NAIP: variants seen among roughly 807,000 people sequenced by gnomAD.
The protein encoded by NAIP is baculoviral IAP repeat-containing protein 1.
In NAIP, 15 loss-of-function variants were observed where a neutral mutation model predicts 23.0. The observed-to-expected ratio is 0.65, with a 90% CI of 0.44 to 1.00. NAIP has a LOEUF of 1.00. NAIP is among the 50% of genes least tolerant of loss of function. The pLI, the probability that NAIP is intolerant of heterozygous loss-of-function variation, is 0.00. For missense variants in NAIP, 265 were observed against 278.8 expected (o/e 0.95, Z 0.35); for synonymous variants, 100 against 100.2 (o/e 1.00, Z 0.01).
chr5:71,011,400 T>A (rs1258543766), intron 4 of NAIP, 26 bp from the exon 5 acceptor site: 1 of 1,549,678 alleles, frequency 6.5e-7, no homozygotes, highest in Non-Finnish European at 8.9e-7. Context: ...AATATTTAGA[T>A]TGCCTGGCAG....
At chr5:70,978,150 T>TA (rs1491407929) in intron 13 of NAIP, among the ~76,000 whole-genome samples, 20 of 26,978 alleles carry the variant, frequency 7.4e-4, no homozygotes, top group Admixed American at 2.1e-3. Context: ...TATATATATA[T>TA]TTTTTTTTTT....
intron 6 of NAIP, among the ~76,000 whole-genome samples, chr5:71,002,382 C>G (rs1289634997): frequency 2.0e-5 from 1 of 50,314 alleles, no homozygotes; most frequent in Non-Finnish European, 3.6e-5. Context: ...TTAGTAGAGA[C>G]AGACACGATG....
intron 3 of NAIP, among the ~76,000 whole-genome samples, chr5:71,014,295 G>T (rs1751327028): frequency 6.6e-6 from 1 of 151,124 alleles, no homozygotes; most frequent in African/African-American, 2.4e-5. Flanking sequence ...ACAAGGTTTT[G>T]CCATGTTGGC....
intron 3 of NAIP, among the ~76,000 whole-genome samples, chr5:71,015,993 GAAC>G (rs1303196558): frequency 2.2e-5 from 3 of 137,298 alleles, no homozygotes; most frequent in Non-Finnish European, 4.8e-5. Flanking sequence ...CATTTAAAAT[GAAC>G]AACTGAGGGT....
chr5:71,014,859 C>T (rs145593182), intron 3 of NAIP, among the ~76,000 whole-genome samples: 2,898 of 151,342 alleles, frequency 0.019, 70 homozygotes, highest in African/African-American at 0.067. Flanking sequence ...GCCAAGATCT[C>T]GCCATTGCAC....
chr5:71,015,881 T>A (rs1038253042), intron 3 of NAIP, among the ~76,000 whole-genome samples: 1 of 128,870 alleles, frequency 7.8e-6, no homozygotes, highest in African/African-American at 2.8e-5. Flanking sequence ...GAGGTTGCAG[T>A]GAGCCGAGAT....
At chr5:71,014,674 G>A (rs897431686) in intron 3 of NAIP, among the ~76,000 whole-genome samples, 11 of 151,382 alleles carry the variant, frequency 7.3e-5, no homozygotes, top group East Asian at 3.9e-4. Context: ...AGGCTGAGGC[G>A]GGCAGATCAC....
chr5:70,972,992 C>G (rs1305519890), intron 16 of NAIP, among the ~76,000 whole-genome samples: 1 of 135,254 alleles, frequency 7.4e-6, no homozygotes, highest in Non-Finnish European at 1.6e-5. Context: ...GCTCCACCTC[C>G]CGGGTTCACA....
In NAIP at chr5:71,012,564, T is replaced by G; in HGVS notation, c.352A>C (p.Lys118Gln). ...GLTRLPIEDH[K>Q]RFHPDCGFLL... Reference sequence around the variant, plus strand: ...AACCCACAATCTGGATGAAACCTCTTGTGGTCTTCTATGGGGAGTCTCGTG... The same window carrying G: ...AACCCACAATCTGGATGAAACCTCTGGTGGTCTTCTATGGGGAGTCTCGTG... Residue 118 changes from lysine (K) to glutamine (Q), a missense_variant, in exon 4 of 17, where the codon AAG (lysine) becomes CAG (glutamine). By Grantham distance (53) the Lys-to-Gln change is moderately conservative. Transcript: ENST00000517649. The G allele has an allele frequency of 6.2e-7, 1 of 1,611,838 alleles. No individual in the cohort carries two copies. Among genetic ancestry groups the G allele is most frequent in the Non-Finnish European group, 8.5e-7 (1 of 1,178,468 alleles).
chr5:71,008,318 C>T (rs1324039781), intron 5 of NAIP, among the ~76,000 whole-genome samples: 1 of 116,976 alleles, frequency 8.5e-6, no homozygotes, highest in East Asian at 2.7e-4. Context: ...GATCCGCCTA[C>T]CTTAGCCTCC....
At chr5:71,010,461 G>A (rs1751097431) in intron 5 of NAIP, among the ~76,000 whole-genome samples, 1 of 151,522 alleles carries the variant, frequency 6.6e-6, no homozygotes, top group East Asian at 1.9e-4. Flanking sequence ...GTAGAGACAT[G>A]GTTTCACCGT....
intron 3 of NAIP, among the ~76,000 whole-genome samples, chr5:71,014,171 C>G (rs28478097): frequency 0.55 from 82,122 of 148,812 alleles, 23,577 homozygotes; most frequent in East Asian, 0.82. Flanking sequence ...GGCCTCGGCT[C>G]ACTGCAACCT....
intron 3 of NAIP, among the ~76,000 whole-genome samples, chr5:71,014,083 T>C (rs1196722775): frequency 1.3e-5 from 2 of 151,012 alleles, no homozygotes; most frequent in Non-Finnish European, 3.0e-5. Flanking sequence ...TTCTAGTGGC[T>C]CTAGCCCAAG....
chr5:70,996,890 A>G (rs1580920392), intron 9 of NAIP, among the ~76,000 whole-genome samples: 4 of 84,538 alleles, frequency 4.7e-5, no homozygotes, highest in Middle Eastern at 6.3e-3. Context: ...ATTGTTGGTC[A>G]AACTGTATGC....
intron 3 of NAIP, among the ~76,000 whole-genome samples, chr5:71,014,174 T>G (rs976837655): frequency 6.7e-6 from 1 of 150,130 alleles, no homozygotes; most frequent in Non-Finnish European, 1.5e-5. Flanking sequence ...CTCGGCTCAC[T>G]GCAACCTCCG....
In NAIP at chr5:71,012,841, A is replaced by G. The variant is rs757100914; in HGVS notation, c.75T>C (p.Ala25=). The G allele has an allele frequency of 4.3e-6, 7 of 1,611,394 alleles. No homozygotes were observed. In the Admixed American group the frequency reaches 8.4e-5, roughly 19 times the overall value. Residue 25 remains alanine, a synonymous_variant, in exon 4 of 17, where the codon GCT becomes GCC. Transcript: ENST00000517649. The part of the protein sequence containing the change: ...FDHNLLPELS[A]LLGLDAVQLA... ...ACTGAACTGCATCTAGGCCCAGAAG[A>G]GCAGACAGCTCTGGCAGCAAATTGT... is the stretch of plus-strand genomic sequence containing the variant.
chr5:71,012,400 A>G lies in NAIP; in HGVS notation c.516T>C (p.Tyr172=), dbSNP rs768477980. Residue 172 remains tyrosine, a synonymous_variant, in exon 4 of 17, where the codon TAT becomes TAC. Transcript: ENST00000517649. ...GCACACAAGGGGATATCCCTTGGAC[A>G]TAAAATGGCCAGTTCCTGAAGGACG... is the stretch of plus-strand genomic sequence containing the variant. ...RLASFRNWPF[Y]VQGISPCVLS... is the part of the protein sequence containing the mutation. 14 of 1,611,694 alleles carry G rather than the reference A, an allele frequency of 8.7e-6. No homozygotes were observed. Among genetic ancestry groups the G allele is most frequent in the South Asian group, 3.3e-5 (3 of 90,980 alleles).
chr5:70,979,582 A>AT (rs1750463959), intron 13 of NAIP, among the ~76,000 whole-genome samples: 1 of 47,210 alleles, frequency 2.1e-5, no homozygotes. Flanking sequence ...CAAAAAAAAA[A>AT]AAAATAATAA....
At chr5:71,011,045 C>A (rs1476680581) in intron 5 of NAIP, among the ~76,000 whole-genome samples, 1 of 150,856 alleles carries the variant, frequency 6.6e-6, no homozygotes, top group Non-Finnish European at 1.5e-5. Context: ...CCAGCCTGGG[C>A]AACATGGCAA....
Sources: gnomAD v4.1 joint callset for allele counts (sites outside exome capture counted in the v4.1 genomes callset) on GRCh38, gnomAD v4.1.1 for gene constraint, MANE v1.5 for transcripts, NCBI Gene and HGNC (gene_info 2026-07-23, HGNC 2026-07-21) for gene names.